ADAMTSL1: variants seen among roughly 807,000 people sequenced by gnomAD.
ADAMTSL1 encodes ADAMTS like 1.
ADAMTSL1 carries 126 observed loss-of-function variants against 201.8 expected under a neutral mutation model. The ratio of observed to expected loss-of-function variants is 0.62; its 90% CI spans 0.54 to 0.72. ADAMTSL1 has a LOEUF of 0.72. ADAMTSL1 is among the 30% of genes least tolerant of loss of function. The pLI is 0.00. For missense variants in ADAMTSL1, 2,679 were observed against 2,277.8 expected, an observed-to-expected ratio of 1.18 and a Z score of -3.59; for synonymous variants, 1,121 against 903.4, an observed-to-expected ratio of 1.24 and a Z score of -4.32.
intron 2 of ADAMTSL1, among the ~76,000 whole-genome samples, chr9:18,307,790 A>C (rs1364736375): frequency 4.6e-5 from 7 of 152,160 alleles, no homozygotes; most frequent in African/African-American, 1.7e-4. Flanking sequence ...GATCAATGAG[A>C]CAGAAAATTA....
At chr9:17,972,695 G>A (rs988317387) in intron 1 of ADAMTSL1, among the ~76,000 whole-genome samples, 1 of 150,878 alleles carries the variant, frequency 6.6e-6, no homozygotes, top group Non-Finnish European at 1.5e-5. Context: ...GGGATGGCTG[G>A]GTCAAATGGT....
chr9:18,656,949 T>C (rs1054579812), intron 7 of ADAMTSL1, among the ~76,000 whole-genome samples: 2 of 152,152 alleles, frequency 1.3e-5, no homozygotes, highest in African/African-American at 4.8e-5. Context: ...AAAAAAGAAA[T>C]TGCAATTTCC....
At chr9:18,341,766 C>T (rs1300061782) in intron 2 of ADAMTSL1, among the ~76,000 whole-genome samples, 1 of 152,020 alleles carries the variant, frequency 6.6e-6, no homozygotes, top group East Asian at 1.9e-4. Context: ...CCTCTTTGAT[C>T]TAATAGGCCT....
rs766423543 is a variant in ADAMTSL1, at chr9:18,828,658, A to ATT, written c.4115-1183_4115-1182dup. 1.3e-4 allele frequency among the ~76,000 whole-genome samples: 7 copies of ATT among 54,422 alleles called. 1 individual carries two copies. The highest frequency in any genetic ancestry group is 1.4e-3 in the East Asian group (2 of 1,454). 35.7% of individuals were successfully genotyped at this position (54,422 alleles called of 152,430 possible). ...ATGAAAAGGATTCTTTTGAAAGTAT[A>ATT]TTTATATATATATATATATATATAT... On this transcript the variant is annotated intron_variant, in intron 22 of 28. Coordinates refer to ENST00000380548, the MANE Select transcript of ADAMTSL1 (RefSeq NM_001040272.6).
chr9:18,675,494 T>C (rs772587621), intron 9 of ADAMTSL1, among the ~76,000 whole-genome samples: 1 of 152,178 alleles, frequency 6.6e-6, no homozygotes, highest in Non-Finnish European at 1.5e-5. Flanking sequence ...GTAACATGAA[T>C]AATGATGATA....
chr9:18,862,031 C>A (rs1297125420), intron 23 of ADAMTSL1, among the ~76,000 whole-genome samples: 1 of 152,180 alleles, frequency 6.6e-6, no homozygotes, highest in Non-Finnish European at 1.5e-5. Flanking sequence ...GCTCCACCCC[C>A]ACTGCTCACC....
chr9:18,293,159 C>T (rs1211363724), intron 2 of ADAMTSL1, among the ~76,000 whole-genome samples: 1 of 152,170 alleles, frequency 6.6e-6, no homozygotes, highest in East Asian at 1.9e-4. Flanking sequence ...TTTATCCAAT[C>T]CACCACTGAT....
chr9:18,520,556 A>T (rs1355863998), intron 2 of ADAMTSL1, among the ~76,000 whole-genome samples: 1 of 152,202 alleles, frequency 6.6e-6, no homozygotes, highest in East Asian at 1.9e-4. Context: ...TCCTCTGATC[A>T]GTTTAAAATT....
intron 21 of ADAMTSL1, among the ~76,000 whole-genome samples, chr9:18,822,856 T>G (rs1563830701): frequency 6.6e-6 from 1 of 152,192 alleles, no homozygotes; most frequent in Non-Finnish European, 1.5e-5. Context: ...GTTGAGGTAT[T>G]CTGAACATCA....
chr9:17,974,592 C>A (rs567971096), intron 1 of ADAMTSL1, among the ~76,000 whole-genome samples: 1 of 152,074 alleles, frequency 6.6e-6, no homozygotes, highest in Non-Finnish European at 1.5e-5. Context: ...TATTTAGACT[C>A]CATATATGTG....
At chr9:18,817,465 G>A (rs1009361423) in intron 21 of ADAMTSL1, among the ~76,000 whole-genome samples, 1 of 152,208 alleles carries the variant, frequency 6.6e-6, no homozygotes, top group African/African-American at 2.4e-5. Flanking sequence ...TTATGTGTAT[G>A]TTTTTCTTTA....
chr9:18,692,365 G>A (rs1409667345), intron 13 of ADAMTSL1, among the ~76,000 whole-genome samples: 1 of 148,862 alleles, frequency 6.7e-6, no homozygotes, highest in East Asian at 2.2e-4. Flanking sequence ...CCGTTTTTTT[G>A]TAGTCATTCC....
At chr9:18,450,681 TC>T (rs1820370051) in intron 2 of ADAMTSL1, among the ~76,000 whole-genome samples, 1 of 151,852 alleles carries the variant, frequency 6.6e-6, no homozygotes, top group Non-Finnish European at 1.5e-5. Flanking sequence ...AGTAAGTTAA[TC>T]CCCTTTACCA....
chr9:18,909,026 TCA>T lies in ADAMTSL1; in HGVS notation c.*481_*482del, dbSNP rs1175873787. 1 of 159,806 alleles carries T rather than the reference TCA, an allele frequency of 6.3e-6. No individual in the cohort carries two copies. Among genetic ancestry groups the T allele is most frequent in the African/African-American group, 2.4e-5 (1 of 41,478 alleles). The allele number at this position is 159,806 out of a possible 1,614,324, so 9.9% of individuals were successfully genotyped here. A position where few individuals can be genotyped will look rare whatever the true frequency, so the allele number is the denominator to read the frequency against. On this transcript the variant is annotated 3_prime_UTR_variant, in exon 29 of 29. Transcript: ENST00000380548. The stretch of plus-strand genomic sequence containing the variant: ...CTCTTCCCCATCTATGTCCCTTTAG[TCA>T]CAGTTAGGACAAATGGGGAGGGGAC...
chr9:18,657,489 C>A (rs776777), intron 7 of ADAMTSL1, 150 bp from the exon 8 acceptor site: 303,604 of 602,898 alleles, frequency 0.5, 78,417 homozygotes, highest in East Asian at 0.74. Context: ...TGGTAGGATA[C>A]ATGATACTGC....
At chr9:18,071,659 A>G (rs1822975096) in intron 1 of ADAMTSL1, among the ~76,000 whole-genome samples, 1 of 152,228 alleles carries the variant, frequency 6.6e-6, no homozygotes, top group African/African-American at 2.4e-5. Context: ...GCAGAGCCCA[A>G]GTGAAGCCCA....
At chr9:18,791,436 C>G (rs1172695504) in intron 19 of ADAMTSL1, among the ~76,000 whole-genome samples, 1 of 152,142 alleles carries the variant, frequency 6.6e-6, no homozygotes, top group Non-Finnish European at 1.5e-5. Context: ...GTACAAAGAA[C>G]ACACTGTGGG....
intron 15 of ADAMTSL1, among the ~76,000 whole-genome samples, chr9:18,726,380 G>T: frequency 6.6e-6 from 1 of 151,788 alleles, no homozygotes; most frequent in East Asian, 1.9e-4. Flanking sequence ...TGGTTGAGGG[G>T]GGTGCCTGTA....
intron 1 of ADAMTSL1, among the ~76,000 whole-genome samples, chr9:18,099,776 G>T (rs774651255): frequency 6.6e-6 from 1 of 150,688 alleles, no homozygotes; most frequent in South Asian, 2.1e-4. Flanking sequence ...ACAGGCTCCC[G>T]CCAACATGCC....
Sources: gnomAD v4.1 joint callset for allele counts (sites outside exome capture counted in the v4.1 genomes callset) on GRCh38, gnomAD v4.1.1 for gene constraint, MANE v1.5 for transcripts, NCBI Gene and HGNC (gene_info 2026-07-23, HGNC 2026-07-21) for gene names.